The following ANO1 variants were observed in gnomAD, a reference collection of about 807,000 sequenced individuals.
The protein encoded by ANO1 is anoctamin 1.
In ANO1, 59 loss-of-function variants were observed where a neutral mutation model predicts 124.0. The observed-to-expected ratio is 0.48, with a 90% CI of 0.39 to 0.59. ANO1 has a LOEUF of 0.59. ANO1 is among the 20% of genes least tolerant of loss of function. The pLI is 0.00. For missense variants in ANO1, 1,059 were observed against 1,328.0 expected, an observed-to-expected ratio of 0.80 and a Z score of 3.15; for synonymous variants, 529 against 532.0, an observed-to-expected ratio of 0.99 and a Z score of 0.08.
At chr11:70,034,512 A>G (rs1352420785) in intron 1 of ANO1, among the ~76,000 whole-genome samples, 8 of 152,158 alleles carry the variant, frequency 5.3e-5, no homozygotes, top group Non-Finnish European at 1.2e-4. Flanking sequence ...TATGTAAAAA[A>G]CCAACAAAAA....
At chr11:70,165,022 G>C (rs35071040) in intron 19 of ANO1, among the ~76,000 whole-genome samples, 1,702 of 152,280 alleles carry the variant, frequency 0.011, 16 homozygotes, top group Non-Finnish European at 0.018. Context: ...GGGTCTCACA[G>C]TTCTGAAGGT....
Position 70,125,365 on chromosome 11 carries a change from A to C in ANO1, c.963-696A>C, listed in dbSNP as rs2046455677. 2.0e-5 allele frequency among the ~76,000 whole-genome samples: 3 copies of C among 150,702 alleles called. No homozygotes were observed. In the South Asian group the frequency reaches 6.3e-4, roughly 32 times the overall value. ...CTCAAAATAAATAAATAAATAAATA[A>C]ATGCAATGGGCGTGGTGGCAAGCAT... On this transcript the variant is annotated intron_variant, in intron 9 of 25. Transcript: ENST00000355303.
At chr11:70,107,812 A>C (rs1313365827) in intron 5 of ANO1, among the ~76,000 whole-genome samples, 3 of 152,110 alleles carry the variant, frequency 2.0e-5, no homozygotes, top group African/African-American at 7.2e-5. Context: ...TCCCTTCAGC[A>C]GGGCTCTGCC....
intron 24 of ANO1, among the ~76,000 whole-genome samples, chr11:70,184,630 C>T (rs1218348913): frequency 2.6e-5 from 4 of 152,374 alleles, no homozygotes; most frequent in East Asian, 3.9e-4. Context: ...CTGCCTGACA[C>T]GCCTCTGCCT....
intron 18 of ANO1, 110 bp from the exon 19 acceptor site, chr11:70,163,173 C>G: frequency 8.6e-7 from 1 of 1,158,506 alleles, no homozygotes. Context: ...TAGATACCCT[C>G]GAGGCTCAGC....
intron 1 of ANO1, among the ~76,000 whole-genome samples, chr11:70,082,478 T>C (rs190442792): frequency 5.9e-5 from 9 of 152,298 alleles, no homozygotes; most frequent in Admixed American, 2.0e-4. Flanking sequence ...AAGAATTGCT[T>C]GAACCCAAAA....
intron 19 of ANO1, 163 bp downstream of exon 19, chr11:70,163,503 G>T: frequency 1.2e-6 from 1 of 824,382 alleles, no homozygotes; most frequent in South Asian, 1.4e-5. Flanking sequence ...ATGTGGTGGG[G>T]TGGGCTTTAA....
chr11:70,010,673 G>A (rs1555000959), intron 1 of ANO1, among the ~76,000 whole-genome samples: 1 of 152,064 alleles, frequency 6.6e-6, no homozygotes, highest in Non-Finnish European at 1.5e-5. Context: ...GACTCAAACA[G>A]CAATGGAATC....
At chr11:70,166,432 G>A (rs553795746) in intron 20 of ANO1, among the ~76,000 whole-genome samples, 1 of 152,336 alleles carries the variant, frequency 6.6e-6, no homozygotes, top group South Asian at 2.1e-4. Flanking sequence ...GAGGATGGGG[G>A]GGTACCACCA....
intron 9 of ANO1, among the ~76,000 whole-genome samples, chr11:70,125,603 G>C (rs996317927): frequency 1.3e-5 from 2 of 151,866 alleles, no homozygotes; most frequent in African/African-American, 2.4e-5. Context: ...CCAGCACTTT[G>C]GGAGGCCGAA....
chr11:70,154,660 G>A (rs1399576832), intron 14 of ANO1, among the ~76,000 whole-genome samples: 1 of 151,646 alleles, frequency 6.6e-6, no homozygotes, highest in East Asian at 1.9e-4. Flanking sequence ...TAGAGACGGG[G>A]TTTCACCGTG....
chr11:70,004,553 A>G (rs1856447849), intron 1 of ANO1, among the ~76,000 whole-genome samples: 1 of 152,230 alleles, frequency 6.6e-6, no homozygotes. Flanking sequence ...GGCCACTGTC[A>G]GATGGGGGCT....
chr11:70,092,346 C>T (rs10751098), intron 2 of ANO1, among the ~76,000 whole-genome samples: 112,914 of 151,980 alleles, frequency 0.74, 42,053 homozygotes, highest in Middle Eastern at 0.8. Flanking sequence ...GGGGACACCA[C>T]TCAGCCCACT....
At chr11:70,107,025 A>G (rs1940239) in intron 5 of ANO1, among the ~76,000 whole-genome samples, 137,096 of 152,196 alleles carry the variant, frequency 0.9, 62,194 homozygotes, top group Non-Finnish European at 0.96. Flanking sequence ...TGGGAGGGTA[A>G]ATGACTGGTG....
chr11:70,083,280 C>T (rs74838684), intron 1 of ANO1, among the ~76,000 whole-genome samples: 97 of 152,258 alleles, frequency 6.4e-4, no homozygotes, highest in African/African-American at 2.3e-3. Flanking sequence ...CTTCCAGCAA[C>T]CCCATGAGGG....
At chr11:70,101,871 G>A (rs2045291490) in intron 2 of ANO1, among the ~76,000 whole-genome samples, 1 of 152,150 alleles carries the variant, frequency 6.6e-6, no homozygotes, top group Non-Finnish European at 1.5e-5. Flanking sequence ...CAGTCTGGAA[G>A]CCTCTGTCTG....
At chr11:70,153,227 TGTGTAACCCC>T in intron 14 of ANO1, 99 bp downstream of exon 14, 1 of 1,123,176 alleles carries the variant, frequency 8.9e-7, no homozygotes, top group South Asian at 1.4e-5. Flanking sequence ...TATTGTAGGC[TGTGTAACCCC>T]GTGTTGCGGC....
intron 12 of ANO1, among the ~76,000 whole-genome samples, chr11:70,151,059 T>G (rs1423490485): frequency 6.6e-6 from 1 of 152,174 alleles, no homozygotes; most frequent in Non-Finnish European, 1.5e-5. Context: ...CTGCCAGAGT[T>G]CCATCCAGAT....
chr11:69,999,480 G>A (rs114453348), intron 1 of ANO1, among the ~76,000 whole-genome samples: 1,663 of 152,312 alleles, frequency 0.011, 30 homozygotes, highest in African/African-American at 0.038. Flanking sequence ...TTATGACATA[G>A]GATGAAAGCG....
Sources: allele counts gnomAD v4.1 joint callset (sites outside exome capture counted in the v4.1 genomes callset), GRCh38; gene constraint gnomAD v4.1.1; transcripts MANE v1.5; gene names NCBI Gene and HGNC (gene_info 2026-07-23, HGNC 2026-07-21).